Variants in SH3BP1 observed in about 807,000 individuals in gnomAD.
The protein encoded by SH3BP1 is SH3 domain binding protein 1.
SH3BP1 carries 46 observed loss-of-function variants against 69.8 expected under a neutral mutation model. That is an observed-to-expected ratio of 0.66 (90% confidence interval 0.52 to 0.84). SH3BP1 has a LOEUF of 0.84. Among genes scored for constraint, SH3BP1 ranks in the 40% least tolerant of loss-of-function variants. SH3BP1 has a pLI of 0.00. For synonymous variants in SH3BP1, 403 were observed against 378.0 expected, an observed-to-expected ratio of 1.07 and a Z score of -0.77; for missense variants, 868 against 930.9, an observed-to-expected ratio of 0.93 and a Z score of 0.88.
In SH3BP1 at chr22:37,655,543, C is replaced by A; in HGVS notation, c.1965C>A (p.Val655=). 6.3e-7 allele frequency: 1 copy of A among 1,592,436 alleles called. No individual in the cohort carries two copies. The highest frequency in any genetic ancestry group is 8.5e-7 in the Non-Finnish European group (1 of 1,170,886). ...CAGGTCCAGCCTCCCCCAGCCCAGT[C>A]TCTTTGAGTAACCCTGCACAGGTGG... The part of the protein sequence containing the change: ...ASPGPASPSP[V]SLSNPAQVDL... Residue 655 remains valine, a synonymous_variant, in exon 18 of 18, where the codon GTC becomes GTA. Coordinates refer to ENST00000649765, the MANE Select transcript of SH3BP1 (RefSeq NM_018957.6).
chr22:37,653,671 G>A (rs936731902), intron 16 of SH3BP1, 108 bp from the exon 17 acceptor site: 8 of 757,246 alleles, frequency 1.1e-5, no homozygotes, highest in Middle Eastern at 2.3e-4. Flanking sequence ...GATAGAGAGC[G>A]AGTGCTGGGA....
intron 8 of SH3BP1, 74 bp downstream of exon 8, chr22:37,644,779 T>G (rs1932753072): frequency 3.1e-6 from 5 of 1,605,332 alleles, no homozygotes; most frequent in Non-Finnish European, 1.7e-6. Flanking sequence ...ACTGGGGCTC[T>G]AAGATGGTGG....
intron 3 of SH3BP1, 47 bp downstream of exon 3, chr22:37,641,525 A>C: frequency 6.9e-7 from 1 of 1,459,752 alleles, no homozygotes; most frequent in South Asian, 1.3e-5. Context: ...GGAGACTTCC[A>C]TCCAATGGGG....
At position 37,645,353 on chromosome 22, in the gene SH3BP1, TC is replaced by T. The variant is rs769670094; in HGVS notation, c.779-11del. The T allele has an allele frequency of 6.3e-7, 1 of 1,598,590 alleles. No homozygotes were observed. Among genetic ancestry groups the T allele is most frequent in the Non-Finnish European group, 8.6e-7 (1 of 1,167,942 alleles). On this transcript the variant is annotated splice_polypyrimidine_tract_variant and intron_variant, in intron 9 of 17. Coordinates refer to ENST00000649765, the MANE Select transcript of SH3BP1 (RefSeq NM_018957.6). ...GAAGGCCCTGGGCCGCTGATCTGTT[TC>T]ATCCCTGCAGACCACTCCCCTTCGA...
At chr22:37,650,395 T>C (rs1601588276) in intron 15 of SH3BP1, 146 bp downstream of exon 15, 2 of 1,492,870 alleles carry the variant, frequency 1.3e-6, no homozygotes, top group East Asian at 2.4e-5. Context: ...GTCTGCCTGC[T>C]TTGTGGGGTG....
At chr22:37,647,081 C>T (rs925861153) in intron 11 of SH3BP1, 152 bp downstream of exon 11, 12 of 750,928 alleles carry the variant, frequency 1.6e-5, no homozygotes, top group South Asian at 1.4e-4. Flanking sequence ...ATGAGCCCCC[C>T]GAAAATGTTT....
chr22:37,641,890 C>T (rs1932610724), intron 3 of SH3BP1: 2 of 200,730 alleles, frequency 1.0e-5, no homozygotes, highest in Non-Finnish European at 1.0e-5. Context: ...CATATGAGTG[C>T]ACTGTCTCAT....
In SH3BP1 at chr22:37,655,272, C is replaced by G; in HGVS notation, c.1694C>G (p.Thr565Ser). ...CCCTCACCCTTTCCTTCCTCAACAG[C>G]CAAGCGCCCGGCGCCAGCCCGGCCC... ...AAPVEDMARR[T>S]KRPAPARPTM... Residue 565 changes from threonine to serine, a missense_variant and splice_region_variant, in exon 18 of 18, where the codon ACC (threonine) becomes AGC (serine). Thr to Ser is a moderately conservative substitution (Grantham distance 58). Coordinates refer to ENST00000649765, the MANE Select transcript of SH3BP1 (RefSeq NM_018957.6). The G allele has an allele frequency of 1.9e-6, 3 of 1,586,150 alleles. No homozygotes were observed. The highest frequency in any genetic ancestry group is 2.6e-6 in the Non-Finnish European group (3 of 1,169,286).
chr22:37,647,242 G>T, intron 11 of SH3BP1, 25 bp from the exon 12 acceptor site: 1 of 1,609,356 alleles, frequency 6.2e-7, no homozygotes, highest in Non-Finnish European at 8.5e-7. Context: ...GGCTGCCTCT[G>T]ACCCTCCCCA....
chr22:37,642,997 G>A lies in SH3BP1; in HGVS notation c.387G>A (p.Arg129=), dbSNP rs1490386269. ...LERDVLQPLS[R]LSEEELPAIL... The stretch of plus-strand genomic sequence containing the variant: ...GGGACGTCCTGCAGCCACTCAGCAG[G>A]CTGAGTGAGGTGAGCCTGTGCCCTG... The change falls in exon 5 of 18, where the codon AGG becomes AGA. Residue 129 remains arginine (R), a synonymous_variant. Coordinates refer to ENST00000649765, the MANE Select transcript of SH3BP1 (RefSeq NM_018957.6). The A allele has an allele frequency of 6.2e-7, 1 of 1,612,854 alleles. No homozygotes were observed. Among genetic ancestry groups the A allele is most frequent in the African/African-American group, 1.3e-5 (1 of 74,866 alleles).
intron 2 of SH3BP1, 71 bp from the exon 3 acceptor site, chr22:37,641,303 G>C (rs1288415493): frequency 3.3e-6 from 5 of 1,526,386 alleles, no homozygotes; most frequent in Non-Finnish European, 3.6e-6. Context: ...GTCCCCAGGG[G>C]ACAGGAGAAA....
At position 37,655,444 on chromosome 22, in the gene SH3BP1, G is replaced by A. The variant is rs143813120; in HGVS notation, c.1866G>A (p.Pro622=). The A allele has an allele frequency of 0.026, 7,177 of 275,788 alleles. 498 individuals carry two copies. The African/African-American group carries it at 0.26, about 10-fold the overall frequency. The allele number at this position is 275,788 out of a possible 1,614,324, so 17.1% of individuals were successfully genotyped here. ...TCCGAGCCCCCACAGTGCCACCCCC[G>A]TTACCCCCCACACCCCCTCAGCCTG... ...SSLRAPTVPP[P]LPPTPPQPAR... Residue 622 remains proline, a synonymous_variant, in exon 18 of 18, where the codon CCG becomes CCA. Transcript: ENST00000649765.
chr22:37,645,773 C>T (rs993029521), intron 10 of SH3BP1, among the ~76,000 whole-genome samples: 4 of 152,090 alleles, frequency 2.6e-5, no homozygotes, highest in African/African-American at 2.4e-5. Context: ...GAGAGGTAAC[C>T]ATGCCCAGAG....
rs746353870 is a variant in SH3BP1, at chr22:37,650,630, C to T, written c.1503C>T (p.Ser501=). The change falls in exon 16 of 18, where the codon TCC becomes TCT. Residue 501 remains serine (S), a synonymous_variant. Coordinates refer to ENST00000649765, the MANE Select transcript of SH3BP1 (RefSeq NM_018957.6). ...GGCTGGCCTCTGAGGAACTTCCGTC[C>T]ACTGCCGTGCCCACCCCAGCCACCA... ...SDRLASEELP[S]TAVPTPATTP... 1.9e-6 allele frequency: 3 copies of T among 1,613,986 alleles called. No homozygotes were observed. Among genetic ancestry groups the T allele is most frequent in the Non-Finnish European group, 2.5e-6 (3 of 1,180,012 alleles).
At chr22:37,647,923 G>A (rs912719251) in intron 13 of SH3BP1, among the ~76,000 whole-genome samples, 3 of 152,176 alleles carry the variant, frequency 2.0e-5, no homozygotes, top group Admixed American at 6.5e-5. Context: ...TGATCCACCC[G>A]CCTCAGCCTC....
At position 37,656,047 on chromosome 22, in the gene SH3BP1, GC is replaced by G; in HGVS notation, c.*364del. 1 of 1,385,598 alleles carries G rather than the reference GC, an allele frequency of 7.2e-7. No individual in the cohort carries two copies. 85.8% of individuals were successfully genotyped at this position (1,385,598 alleles called of 1,614,324 possible). On this transcript the variant is annotated 3_prime_UTR_variant, in exon 18 of 18. Transcript: ENST00000649765. The stretch of plus-strand genomic sequence containing the variant: ...AATTATTTTGGACAAAACTGGAGCA[GC>G]TGCCCAAATGATAGTTTTATTTTCT...
chr22:37,646,868 G>A lies in SH3BP1; in HGVS notation c.975G>A (p.Gln325=), dbSNP rs1038943773. 5.7e-6 allele frequency: 9 copies of A among 1,566,774 alleles called. No individual in the cohort carries two copies. In the African/African-American group the frequency reaches 1.1e-4, roughly 19 times the overall value. The change falls in exon 11 of 18, where the codon CAG becomes CAA. Residue 325 remains glutamine, a synonymous_variant. Transcript: ENST00000649765. ...AGASVLKRLK[Q]TMASDPHSLE... is the part of the protein sequence containing the mutation. ...CCTCGGTGCTGAAGCGTCTCAAGCA[G>A]ACAATGGCCTCGGACCCCCACAGCC...
intron 14 of SH3BP1, chr22:37,648,871 T>A (rs1932829755): frequency 1.2e-5 from 2 of 172,342 alleles, no homozygotes; most frequent in Admixed American, 5.6e-5. Flanking sequence ...TCCCGGCTAA[T>A]TTTTTGTATT....
At position 37,655,281 on chromosome 22, in the gene SH3BP1, C is replaced by G. The variant is rs768349095; in HGVS notation, c.1703C>G (p.Pro568Arg). The change falls in exon 18 of 18, where the codon CCG becomes CGG. Residue 568 changes from proline to arginine, a missense_variant. This residue lies in a region of SH3BP1 where 474 missense variants were observed against 462.3 expected (regional missense o/e 1.03). Coordinates refer to ENST00000649765, the MANE Select transcript of SH3BP1 (RefSeq NM_018957.6). ...TTTCCTTCCTCAACAGCCAAGCGCC[C>G]GGCGCCAGCCCGGCCCACCATGCCG... is the stretch of plus-strand genomic sequence containing the variant. ...VEDMARRTKR[P>R]APARPTMPPP... The G allele has an allele frequency of 6.3e-6, 10 of 1,581,720 alleles. No individual in the cohort carries two copies. The highest frequency in any genetic ancestry group is 8.6e-6 in the Non-Finnish European group (10 of 1,166,666).
Sources: allele counts gnomAD v4.1 joint callset (sites outside exome capture counted in the v4.1 genomes callset), GRCh38; gene constraint gnomAD v4.1.1; regional missense constraint gnomAD v4.1.1; transcripts MANE v1.5; gene names NCBI Gene and HGNC (gene_info 2026-07-23, HGNC 2026-07-21).